Variants in EIF3D observed in about 807,000 individuals in gnomAD.
EIF3D encodes the protein eIF3 p66.
In EIF3D, 10 loss-of-function variants were observed where a neutral mutation model predicts 75.4. That is an observed-to-expected ratio of 0.13 (90% CI 0.08 to 0.22). EIF3D has a LOEUF of 0.22. EIF3D is among the 10% of genes least tolerant of loss of function. The pLI is 1.00. For synonymous variants in EIF3D, 246 were observed against 248.3 expected (o/e 0.99, Z 0.09); for missense variants, 394 against 708.0 (o/e 0.56, Z 5.03).
In EIF3D at chr22:36,517,228, A is replaced by G. The variant is rs1934441651; in HGVS notation, c.990+73T>C. 6 of 1,604,560 alleles carry G rather than the reference A, an allele frequency of 3.7e-6. No homozygotes were observed. In the South Asian group the frequency reaches 6.7e-5, roughly 18 times the overall value. ...TCAGTCCCACAACCAAGAGCCTAGC[A>G]CAAAGCAGATGCTCCACAAACAGCA... On this transcript the variant is annotated intron_variant, in intron 10 of 14. Transcript: ENST00000216190.
At chr22:36,525,774 A>G in intron 2 of EIF3D, 65 bp from the exon 3 acceptor site, 1 of 1,584,896 alleles carries the variant, frequency 6.3e-7, no homozygotes, top group Non-Finnish European at 8.6e-7. Flanking sequence ...CAGAACCAGA[A>G]ATCCCTGAGC....
chr22:36,512,710 G>A (rs1471597014), intron 12 of EIF3D, 108 bp from the exon 13 acceptor site: 1 of 1,294,558 alleles, frequency 7.7e-7, no homozygotes, highest in African/African-American at 1.5e-5. Context: ...TTAGAAAGTG[G>A]GTAGGTACGC....
intron 10 of EIF3D, among the ~76,000 whole-genome samples, 185 bp downstream of exon 10, chr22:36,517,116 A>G (rs1934439256): frequency 6.6e-6 from 1 of 152,236 alleles, no homozygotes; most frequent in Non-Finnish European, 1.5e-5. Context: ...CTGTAAGGGC[A>G]GGAACTTTGT....
intron 9 of EIF3D, chr22:36,517,641 A>G: frequency 2.1e-6 from 1 of 477,352 alleles, no homozygotes; most frequent in Non-Finnish European, 3.6e-6. Context: ...CCAACATTCA[A>G]TTCAATCACA....
At chr22:36,525,637 G>A (rs1347552142) in intron 3 of EIF3D, 27 bp downstream of exon 3, 2 of 1,610,718 alleles carry the variant, frequency 1.2e-6, no homozygotes, top group East Asian at 2.2e-5. Flanking sequence ...GGCCCTGATT[G>A]GGGCATTCAG....
intron 2 of EIF3D, 47 bp from the exon 3 acceptor site, chr22:36,525,756 A>T: frequency 6.3e-7 from 1 of 1,594,912 alleles, no homozygotes; most frequent in East Asian, 2.2e-5. Context: ...CAACCAGGCA[A>T]GTTTCTGCAG....
chr22:36,511,114 A>G (rs1366360037), intron 14 of EIF3D, 114 bp from the exon 15 acceptor site: 6 of 1,325,044 alleles, frequency 4.5e-6, no homozygotes, highest in Non-Finnish European at 6.1e-6. Flanking sequence ...TCCATTCCGA[A>G]GTTAAGCCTT....
In EIF3D at chr22:36,524,743, A is replaced by G; in HGVS notation, c.170-11T>C. 6.2e-7 allele frequency: 1 copy of G among 1,614,230 alleles called. No individual in the cohort carries two copies. Among genetic ancestry groups the G allele is most frequent in the Non-Finnish European group, 8.5e-7 (1 of 1,180,036 alleles). On this transcript the variant is annotated splice_polypyrimidine_tract_variant and intron_variant, in intron 3 of 14. Transcript: ENST00000216190. ...GAGAGGAGTACTTATCTGGAGGCAA[A>G]GGTGATGGCATGTAGTAACTGCACC... is the stretch of plus-strand genomic sequence containing the variant.
rs61730261 is a variant in EIF3D, at chr22:36,525,686, T to A, written c.147A>T (p.Thr49=). The A allele has an allele frequency of 6.2e-7, 1 of 1,613,354 alleles. No individual in the cohort carries two copies. The highest frequency in any genetic ancestry group is 8.5e-7 in the Non-Finnish European group (1 of 1,179,874). ...LGKVADWTGA[T]YQDKRYTNKY... ...TACTTGTGTACCTCTTATCTTGGTA[T>A]GTGGCTCCTGTCCAGTCTGCAACCT... Residue 49 remains threonine (T), a synonymous_variant, in exon 3 of 15, where the codon ACA becomes ACT. Coordinates refer to ENST00000216190, the MANE Select transcript of EIF3D (RefSeq NM_003753.4).
chr22:36,516,445 G>T (rs1210728426), intron 12 of EIF3D, 33 bp downstream of exon 12: 2 of 1,606,606 alleles, frequency 1.2e-6, no homozygotes, highest in South Asian at 2.2e-5. Flanking sequence ...GAGACATGGT[G>T]TCACCAGGAG....
chr22:36,511,537 C>G lies in EIF3D; in HGVS notation c.1599G>C (p.Glu533Asp). The part of the protein sequence containing the change: ...PDGTFSSDED[E>D]EEEEEEEEEE... ...CCTCTTCTTCCTCCTCCTCTTCCTC[C>G]TCATCTTCATCAGAGCTGAAGGTGC... The change falls in exon 14 of 15, where the codon GAG (glutamate) becomes GAC (aspartate). Residue 533 changes from glutamate to aspartate, a missense_variant. By Grantham distance (45) the Glu-to-Asp change is conservative. Transcript: ENST00000216190. The G allele has an allele frequency of 6.2e-7, 1 of 1,613,882 alleles. No homozygotes were observed. Among genetic ancestry groups the G allele is most frequent in the Non-Finnish European group, 8.5e-7 (1 of 1,179,854 alleles).
chr22:36,519,671 G>GAC (rs1934482111), intron 7 of EIF3D, 134 bp from the exon 8 acceptor site: 1 of 1,242,578 alleles, frequency 8.0e-7, no homozygotes, highest in Non-Finnish European at 1.1e-6. Context: ...GAGCAGGAGA[G>GAC]ACGAATCCTC....
intron 13 of EIF3D, 113 bp downstream of exon 13, chr22:36,512,347 G>A (rs1934353274): frequency 1.0e-5 from 15 of 1,460,414 alleles, no homozygotes; most frequent in Non-Finnish European, 1.4e-5. Flanking sequence ...CCCCACCCCT[G>A]GATTTATCTC....
intron 6 of EIF3D, among the ~76,000 whole-genome samples, chr22:36,520,914 C>T (rs893631458): frequency 3.9e-5 from 6 of 152,038 alleles, no homozygotes; most frequent in African/African-American, 1.2e-4. Context: ...GAGATCCTGT[C>T]TCAAACAACA....
At chr22:36,512,336 A>G in intron 13 of EIF3D, 124 bp downstream of exon 13, 1 of 1,388,628 alleles carries the variant, frequency 7.2e-7, no homozygotes, top group Non-Finnish European at 9.9e-7. Context: ...CTCCATCTCT[A>G]CCCCACCCCT....
intron 13 of EIF3D, among the ~76,000 whole-genome samples, 157 bp downstream of exon 13, chr22:36,512,303 G>C (rs1292456660): frequency 6.6e-6 from 1 of 152,184 alleles, no homozygotes; most frequent in Non-Finnish European, 1.5e-5. Flanking sequence ...CCTGCTGTTT[G>C]GCATTTGTCT....
At chr22:36,517,256 T>G (rs1934442456) in intron 10 of EIF3D, 45 bp downstream of exon 10, 1 of 1,612,548 alleles carries the variant, frequency 6.2e-7, no homozygotes, top group African/African-American at 1.3e-5. Context: ...AAACAGCAGC[T>G]GATTAAATAA....
At chr22:36,512,848 GACACACACGGACAC>G (rs1228574310) in intron 12 of EIF3D, 6 of 402,126 alleles carry the variant, frequency 1.5e-5, no homozygotes, top group African/African-American at 3.7e-5. Context: ...ATGATGGATG[GACACACACGGACAC>G]ACACACACAC....
chr22:36,511,208 C>A, intron 14 of EIF3D: 5 of 808,390 alleles, frequency 6.2e-6, no homozygotes, highest in Non-Finnish European at 7.5e-6. Context: ...CTATTTAACC[C>A]GGAGCGGAGC....
Sources: allele counts gnomAD v4.1 joint callset (sites outside exome capture counted in the v4.1 genomes callset), GRCh38; gene constraint gnomAD v4.1.1; transcripts MANE v1.5; gene names NCBI Gene and HGNC (gene_info 2026-07-23, HGNC 2026-07-21).